Variants in NR5A1 observed in about 807,000 individuals in gnomAD.
NR5A1 encodes the protein steroidogenic factor 1.
NR5A1 carries 6 observed loss-of-function variants against 42.7 expected under a neutral mutation model. The observed-to-expected ratio is 0.14, with a 90% CI of 0.08 to 0.28. NR5A1 has a LOEUF of 0.28. Among genes scored for constraint, NR5A1 ranks in the 10% least tolerant of loss-of-function variants. The probability of loss-of-function intolerance (pLI) is 1.00; values close to 1 mark genes in which losing one functional copy is unlikely to be tolerated. For synonymous variants in NR5A1, 274 were observed against 277.5 expected, an observed-to-expected ratio of 0.99 and a Z score of 0.12; for missense variants, 442 against 626.4, an observed-to-expected ratio of 0.71 and a Z score of 3.14.
intron 4 of NR5A1, 74 bp from the exon 5 acceptor site, chr9:124,493,223 C>T: frequency 6.5e-7 from 1 of 1,539,858 alleles, no homozygotes; most frequent in East Asian, 2.3e-5. Flanking sequence ...CCTTCTCCTC[C>T]CACTGAGACC....
In NR5A1 at chr9:124,482,701, C is replaced by CG; in HGVS notation, c.*56dup. On this transcript the variant is annotated 3_prime_UTR_variant, in exon 7 of 7. Coordinates refer to ENST00000373588, the MANE Select transcript of NR5A1 (RefSeq NM_004959.5). ...GGAGCCAGCGGTGTGGCTGCGGCCC[C>CG]GCCCAGGCCCCGCCCCCAGTCCCGC... 1.4e-6 allele frequency: 1 copy of CG among 701,276 alleles called. No individual in the cohort carries two copies. Among genetic ancestry groups the CG allele is most frequent in the East Asian group, 3.4e-5 (1 of 29,058 alleles). 43.4% of individuals were successfully genotyped at this position (701,276 alleles called of 1,614,324 possible).
chr9:124,501,758 A>T lies in NR5A1; in HGVS notation c.245-1043T>A, dbSNP rs1421607029. ...GGACAGGATGTCCCCTCTCCCATCC[A>T]GGAGTCCTTTCTCCAGGTGGCAGGG... is the stretch of plus-strand genomic sequence containing the variant. On this transcript the variant is annotated intron_variant, in intron 3 of 6. Coordinates refer to ENST00000373588, the MANE Select transcript of NR5A1 (RefSeq NM_004959.5). This position sits in a 1 kb window ranked among gnomAD's most constrained non-coding sequence, Gnocchi z 4.1. Among the ~76,000 whole-genome samples, 1 of 152,182 alleles carries T rather than the reference A, an allele frequency of 6.6e-6. No individual in the cohort carries two copies. The highest frequency in any genetic ancestry group is 2.4e-5 in the African/African-American group (1 of 41,450).
chr9:124,503,390 G>T lies in NR5A1; in HGVS notation c.6C>A (p.Asp2Glu). 1 of 1,608,926 alleles carries T rather than the reference G, an allele frequency of 6.2e-7. No individual in the cohort carries two copies. Among genetic ancestry groups the T allele is most frequent in the African/African-American group, 1.3e-5 (1 of 74,996 alleles). Residue 2 changes from aspartate to glutamate, a missense_variant, in exon 2 of 7, where the codon GAC becomes GAA. Physicochemically the swap from Asp to Glu is conservative, Grantham distance 45. Coordinates refer to ENST00000373588, the MANE Select transcript of NR5A1 (RefSeq NM_004959.5). This position sits in a 1 kb window ranked among gnomAD's most constrained non-coding sequence, Gnocchi z 9.6. The part of the protein sequence containing the change: M[D>E]YSYDEDLDEL... ...CGTCCAGGTCCTCGTCGTACGAATAGTCCATGCCCGCGGCGTCCGCCTGCG... is the reference window on the plus strand; with the variant it reads ...CGTCCAGGTCCTCGTCGTACGAATATTCCATGCCCGCGGCGTCCGCCTGCG...
Position 124,482,647 on chromosome 9 carries a change from C to T in NR5A1, c.*111G>A, listed in dbSNP as rs988924070. ...GGCCTCTGGGACGGGGCTGGGGCTC[C>T]TCGGTGGGCATCAGAAAATGAACCA... On this transcript the variant is annotated 3_prime_UTR_variant, in exon 7 of 7. Coordinates refer to ENST00000373588, the MANE Select transcript of NR5A1 (RefSeq NM_004959.5). 10 of 1,289,706 alleles carry T rather than the reference C, an allele frequency of 7.8e-6. No homozygotes were observed. The highest frequency in any genetic ancestry group is 1.1e-5 in the Non-Finnish European group (10 of 927,188). The allele number at this position is 1,289,706 out of a possible 1,614,324, so 79.9% of individuals were successfully genotyped here.
chr9:124,499,517 A>T (rs1832434723), intron 4 of NR5A1, among the ~76,000 whole-genome samples: 1 of 152,148 alleles, frequency 6.6e-6, no homozygotes, highest in African/African-American at 2.4e-5. Context: ...TGGGAAGGAG[A>T]ATGGCCCACA....
chr9:124,494,150 A>G, intron 4 of NR5A1, among the ~76,000 whole-genome samples: 1 of 152,188 alleles, frequency 6.6e-6, no homozygotes. Context: ...GCTGGCCACC[A>G]TCGACCCAAA....
chr9:124,483,259 G>A (rs1010586175), intron 6 of NR5A1, among the ~76,000 whole-genome samples: 17 of 152,138 alleles, frequency 1.1e-4, no homozygotes, highest in African/African-American at 4.1e-4. Context: ...CATGGCCACC[G>A]CCACCATCAA....
At chr9:124,485,497 G>A (rs780307510) in intron 6 of NR5A1, among the ~76,000 whole-genome samples, 69 of 152,260 alleles carry the variant, frequency 4.5e-4, no homozygotes, top group Non-Finnish European at 7.6e-4. Flanking sequence ...GCTGGGCCCG[G>A]GGGTGGACGG....
At position 124,500,573 on chromosome 9, in the gene NR5A1, G is replaced by A; in HGVS notation, c.387C>T (p.Pro129=). The change falls in exon 4 of 7, where the codon CCC becomes CCT. Residue 129 remains proline, a synonymous_variant. Coordinates refer to ENST00000373588, the MANE Select transcript of NR5A1 (RefSeq NM_004959.5). The surrounding 1 kb of genome is among the most constrained non-coding windows in gnomAD (Gnocchi z 6.9). The stretch of plus-strand genomic sequence containing the variant: ...AGTCCGGTGCGGGAGGGGGCGGCGG[G>A]GGCACCCCCATCGGGGGCCCTGTCT... ...KLETGPPMGV[P]PPPPPAPDYV... is the part of the protein sequence containing the mutation. 3 of 1,612,020 alleles carry A rather than the reference G, an allele frequency of 1.9e-6. No homozygotes were observed. The highest frequency in any genetic ancestry group is 2.5e-6 in the Non-Finnish European group (3 of 1,179,896).
At chr9:124,492,819 C>T (rs1832336796) in intron 5 of NR5A1, among the ~76,000 whole-genome samples, 1 of 152,238 alleles carries the variant, frequency 6.6e-6, no homozygotes, top group Admixed American at 6.5e-5. Context: ...AGCAGGGCTC[C>T]CAGGGGCCGG....
intron 6 of NR5A1, among the ~76,000 whole-genome samples, chr9:124,486,596 C>T (rs1276490975): frequency 6.6e-6 from 1 of 152,162 alleles, no homozygotes; most frequent in African/African-American, 2.4e-5. Context: ...GATCCCCCAC[C>T]CCTGGGGTTC....
chr9:124,491,036 C>CCCCCCCCCCAGGGGGG, intron 6 of NR5A1, 45 bp downstream of exon 6: 1 of 1,401,602 alleles, frequency 7.1e-7, no homozygotes, highest in Non-Finnish European at 9.6e-7. Context: ...CCCACCCACC[C>CCCCCCCCCCAGGGGGG]GCCTCTGGCT....
intron 6 of NR5A1, among the ~76,000 whole-genome samples, chr9:124,487,035 C>T (rs1054130329): frequency 6.6e-6 from 1 of 152,214 alleles, no homozygotes; most frequent in South Asian, 2.1e-4. Flanking sequence ...AGGTTGGAGA[C>T]CGGCATGTTG....
At chr9:124,502,171 G>A (rs987889681) in intron 3 of NR5A1, among the ~76,000 whole-genome samples, 11 of 152,156 alleles carry the variant, frequency 7.2e-5, no homozygotes, top group Admixed American at 5.2e-4. Flanking sequence ...AATGGAAAGC[G>A]TGATGGGCTT....
At chr9:124,505,407 C>G (rs1832541858) in intron 1 of NR5A1, among the ~76,000 whole-genome samples, 1 of 152,182 alleles carries the variant, frequency 6.6e-6, no homozygotes, top group African/African-American at 2.4e-5. Context: ...TCCCATGGGG[C>G]CCACCACATC....
At chr9:124,487,356 A>T (rs984479199) in intron 6 of NR5A1, among the ~76,000 whole-genome samples, 7 of 152,190 alleles carry the variant, frequency 4.6e-5, no homozygotes, top group African/African-American at 1.7e-4. Context: ...AGCAGTGGGT[A>T]AATTGCAAAC....
Position 124,503,447 on chromosome 9 carries a change from G to T in NR5A1, c.-15-37C>A. The T allele has an allele frequency of 6.5e-7, 1 of 1,538,780 alleles. No homozygotes were observed. The highest frequency in any genetic ancestry group is 1.2e-5 in the South Asian group (1 of 84,434). ...CAGCGGGTCAGGGAGGGCCGGCGGA[G>T]ACCGGCAGCCTGGGGTCCCCGCGGC... On this transcript the variant is annotated intron_variant, in intron 1 of 6. Coordinates refer to ENST00000373588, the MANE Select transcript of NR5A1 (RefSeq NM_004959.5). The surrounding 1 kb of genome is among the most constrained non-coding windows in gnomAD (Gnocchi z 9.6).
At position 124,500,120 on chromosome 9, in the gene NR5A1, T is replaced by A; in HGVS notation, c.840A>T (p.Ala280=). 6.2e-7 allele frequency: 1 copy of A among 1,613,122 alleles called. No homozygotes were observed. Among genetic ancestry groups the A allele is most frequent in the Non-Finnish European group, 8.5e-7 (1 of 1,180,030 alleles). ...DQTFISIVDW[A]RRCMVFKELE... ...GCTCCTTGAAGACCATGCACCTGCGTGCCCAGTCCACGATGGAGATGAAGG... is the reference window on the plus strand; with the variant it reads ...GCTCCTTGAAGACCATGCACCTGCGAGCCCAGTCCACGATGGAGATGAAGG... The change falls in exon 4 of 7, where the codon GCA becomes GCT. Residue 280 remains alanine, a synonymous_variant. Coordinates refer to ENST00000373588, the MANE Select transcript of NR5A1 (RefSeq NM_004959.5). This position sits in a 1 kb window ranked among gnomAD's most constrained non-coding sequence, Gnocchi z 6.9.
At chr9:124,489,727 C>G (rs995500957) in intron 6 of NR5A1, among the ~76,000 whole-genome samples, 5 of 152,196 alleles carry the variant, frequency 3.3e-5, no homozygotes, top group South Asian at 2.1e-4. Context: ...CAGCTCCTAA[C>G]TGGCTGCCCA....
Sources: gnomAD v4.1 joint callset for allele counts (sites outside exome capture counted in the v4.1 genomes callset) on GRCh38, gnomAD v4.1.1 for gene constraint, Gnocchi (gnomAD v3.1) non-coding constraint, MANE v1.5 for transcripts, NCBI Gene and HGNC (gene_info 2026-07-23, HGNC 2026-07-21) for gene names.